The following BCL7A variants were observed in gnomAD, a reference collection of about 807,000 sequenced individuals.
The protein encoded by BCL7A is B-cell CLL/lymphoma 7 protein family member A.
A neutral mutation model predicts 28.4 loss-of-function variants in BCL7A; 11 were observed. That is an observed-to-expected ratio of 0.39 (90% CI 0.24 to 0.64). The LOEUF (loss-of-function observed/expected upper bound fraction) is 0.64, where lower values mean the gene tolerates loss of function less well. BCL7A is among the 30% of genes least tolerant of loss of function. The pLI is 0.50. For missense variants in BCL7A, 222 were observed against 274.8 expected (o/e 0.81, Z 1.36); for synonymous variants, 123 against 103.3 (o/e 1.19, Z -1.15).
At position 122,059,371 on chromosome 12, in the gene BCL7A, A is replaced by G; in HGVS notation, c.*208A>G. 3.8e-6 allele frequency: 2 copies of G among 527,902 alleles called. No individual in the cohort carries two copies. The highest frequency in any genetic ancestry group is 1.9e-5 in the African/African-American group (1 of 52,676). 32.7% of individuals were successfully genotyped at this position (527,902 alleles called of 1,614,324 possible). A position where few individuals can be genotyped will look rare whatever the true frequency, so the allele number is the denominator to read the frequency against. On this transcript the variant is annotated 3_prime_UTR_variant, in exon 6 of 6. Transcript: ENST00000261822. The surrounding 1 kb of genome is among the most constrained non-coding windows in gnomAD (Gnocchi z 4.0). ...TGTGAAGCAAAACACTCAAACCTTT[A>G]AGGGACTGTCCTTGGGGAGGCAGGC... is the stretch of plus-strand genomic sequence containing the variant.
At chr12:122,055,817 C>G (rs1273488038) in intron 5 of BCL7A, among the ~76,000 whole-genome samples, 3 of 152,182 alleles carry the variant, frequency 2.0e-5, no homozygotes, top group African/African-American at 7.2e-5. Context: ...TGGGTTTCAC[C>G]ATGTTGGCCA....
intron 5 of BCL7A, among the ~76,000 whole-genome samples, chr12:122,056,588 G>T (rs1309398836): frequency 6.6e-6 from 1 of 152,032 alleles, no homozygotes; most frequent in African/African-American, 2.4e-5. Context: ...ATCACTTGAG[G>T]CCAGGAGTTC....
intron 4 of BCL7A, among the ~76,000 whole-genome samples, chr12:122,053,401 C>T (rs1884239622): frequency 6.6e-6 from 1 of 152,172 alleles, no homozygotes; most frequent in South Asian, 2.1e-4. Flanking sequence ...CTGTCCCAGG[C>T]CCTGCACTGT....
At chr12:122,056,037 G>A (rs556554755) in intron 5 of BCL7A, among the ~76,000 whole-genome samples, 1 of 152,322 alleles carries the variant, frequency 6.6e-6, no homozygotes, top group African/African-American at 2.4e-5. Context: ...TCTTGTCTGA[G>A]ACAGACTAGG....
intron 5 of BCL7A, among the ~76,000 whole-genome samples, chr12:122,056,030 T>C (rs1366452431): frequency 6.6e-6 from 1 of 152,228 alleles, no homozygotes; most frequent in African/African-American, 2.4e-5. Context: ...TCTGGGGTCT[T>C]GTCTGAGACA....
intron 3 of BCL7A, among the ~76,000 whole-genome samples, chr12:122,035,846 T>C (rs910911992): frequency 1.3e-5 from 2 of 152,114 alleles, no homozygotes; most frequent in African/African-American, 4.8e-5. Context: ...TTGTTTTGTT[T>C]TGTTTTGTTT....
Position 122,021,951 on chromosome 12 carries a change from T to A in BCL7A, c.-141T>A, listed in dbSNP as rs1222878748. The A allele has an allele frequency of 5.1e-6, 3 of 588,910 alleles. No homozygotes were observed. Among genetic ancestry groups the A allele is most frequent in the Non-Finnish European group, 9.1e-6 (3 of 329,690 alleles). The allele number at this position is 588,910 out of a possible 1,614,324, so 36.5% of individuals were successfully genotyped here. The stretch of plus-strand genomic sequence containing the variant: ...GTGTATGTGTGTGTGTGTGTGTGTG[T>A]GTGTGTGAGTGTGTGCGTGTGAGAG... On this transcript the variant is annotated 5_prime_UTR_variant, in exon 1 of 6. Coordinates refer to ENST00000261822, the MANE Select transcript of BCL7A (RefSeq NM_001024808.3).
intron 3 of BCL7A, among the ~76,000 whole-genome samples, chr12:122,038,740 A>C (rs554392873): frequency 6.6e-6 from 1 of 152,044 alleles, no homozygotes; most frequent in Non-Finnish European, 1.5e-5. Context: ...CTCTCCCTGC[A>C]CCTTCCCCTG....
intron 5 of BCL7A, among the ~76,000 whole-genome samples, chr12:122,055,432 G>C (rs1490242544): frequency 6.6e-6 from 1 of 152,176 alleles, no homozygotes; most frequent in East Asian, 1.9e-4. Context: ...CGGTGGTTAG[G>C]AGCAAACCTC....
Position 122,030,784 on chromosome 12 carries a change from G to A in BCL7A, c.174+3G>A, listed in dbSNP as rs371650400. 1.2e-6 allele frequency: 2 copies of A among 1,613,462 alleles called. No homozygotes were observed. The highest frequency in any genetic ancestry group is 2.7e-5 in the African/African-American group (2 of 74,910). ...TGACGGAGCCCAAGGTTGATGACGT[G>A]AGTATGGAGGGCTGGTCCCCTGGGG... On this transcript the variant is annotated splice_donor_region_variant and intron_variant, in intron 2 of 5. Transcript: ENST00000261822.
Position 122,060,096 on chromosome 12 carries a change from C to T in BCL7A, c.*933C>T, listed in dbSNP as rs28384349. The T allele has an allele frequency of 2.5e-4, 59 of 233,070 alleles. No individual in the cohort carries two copies. The South Asian group carries it at 8.7e-3, about 34-fold the overall frequency. 14.4% of individuals were successfully genotyped at this position (233,070 alleles called of 1,614,324 possible). On this transcript the variant is annotated 3_prime_UTR_variant, in exon 6 of 6. Coordinates refer to ENST00000261822, the MANE Select transcript of BCL7A (RefSeq NM_001024808.3). ...TGTCTCCTTAAGGCACTGAGTGGGCCGGGGAGGCTGGGAGCCGGCGGCAGG... is the reference window on the plus strand; with the variant it reads ...TGTCTCCTTAAGGCACTGAGTGGGCTGGGGAGGCTGGGAGCCGGCGGCAGG...
At chr12:122,025,321 A>G (rs1883597429) in intron 1 of BCL7A, among the ~76,000 whole-genome samples, 2 of 151,402 alleles carry the variant, frequency 1.3e-5, no homozygotes, top group East Asian at 3.9e-4. Context: ...CTCAAACCAA[A>G]AAAAAAGAAA....
chr12:122,024,674 A>T (rs1013196916), intron 1 of BCL7A, among the ~76,000 whole-genome samples: 2 of 152,216 alleles, frequency 1.3e-5, no homozygotes, highest in African/African-American at 4.8e-5. Flanking sequence ...GTTTAACCAG[A>T]TAAAAATACA....
At chr12:122,022,360 C>T (rs1883483233) in intron 1 of BCL7A, among the ~76,000 whole-genome samples, 177 bp downstream of exon 1, 1 of 143,546 alleles carries the variant, frequency 7.0e-6, no homozygotes, top group African/African-American at 2.5e-5. Flanking sequence ...GGGTCACCTG[C>T]GCCAGGCTGG....
chr12:122,043,965 A>G lies in BCL7A; in HGVS notation c.351A>G (p.Pro117=), dbSNP rs1439820474. The G allele has an allele frequency of 3.7e-6, 6 of 1,614,028 alleles. No homozygotes were observed. The highest frequency in any genetic ancestry group is 5.1e-6 in the Non-Finnish European group (6 of 1,180,018). Residue 117 remains proline, a synonymous_variant, in exon 4 of 6, where the codon CCA becomes CCG. Coordinates refer to ENST00000261822, the MANE Select transcript of BCL7A (RefSeq NM_001024808.3). ...ACAGCAGCAACTCCAGCCCCGCTCCAGAGCCCAACTCGGCTGTGCCCAGCG... is the reference window on the plus strand; with the variant it reads ...ACAGCAGCAACTCCAGCCCCGCTCCGGAGCCCAACTCGGCTGTGCCCAGCG... The part of the protein sequence containing the change: ...QENSSNSSPA[P]EPNSAVPSDG...
chr12:122,025,370 A>G (rs550891788), intron 1 of BCL7A, among the ~76,000 whole-genome samples: 2 of 152,222 alleles, frequency 1.3e-5, no homozygotes, highest in South Asian at 2.1e-4. Context: ...TCACGCCTGT[A>G]ATTTCAGCAC....
chr12:122,024,138 A>C (rs559762113), intron 1 of BCL7A, among the ~76,000 whole-genome samples: 1 of 152,294 alleles, frequency 6.6e-6, no homozygotes, highest in African/African-American at 2.4e-5. Context: ...CCAGGCCTGT[A>C]GTTGGAGCTT....
chr12:122,049,650 A>G (rs1360460354), intron 4 of BCL7A, among the ~76,000 whole-genome samples: 1 of 152,134 alleles, frequency 6.6e-6, no homozygotes, highest in Non-Finnish European at 1.5e-5. Context: ...CATATCAACT[A>G]TAATACTTCC....
In BCL7A at chr12:122,055,014, T is replaced by C. The variant is rs1423421397; in HGVS notation, c.561+88T>C. ...GGTACGTTGAAAGGTGTTTCGTCAT[T>C]GTGTTTTGTTGTTTTGTCGTTGGAC... On this transcript the variant is annotated intron_variant, in intron 5 of 5. Coordinates refer to ENST00000261822, the MANE Select transcript of BCL7A (RefSeq NM_001024808.3). The C allele has an allele frequency of 2.5e-6, 4 of 1,608,022 alleles. No homozygotes were observed. In the African/African-American group the frequency reaches 5.4e-5, roughly 22 times the overall value.
Sources: allele counts gnomAD v4.1 joint callset (sites outside exome capture counted in the v4.1 genomes callset), GRCh38; gene constraint gnomAD v4.1.1; non-coding constraint Gnocchi (gnomAD v3.1); transcripts MANE v1.5; gene names NCBI Gene and HGNC (gene_info 2026-07-23, HGNC 2026-07-21).